The following CASK variants were observed in gnomAD, a reference collection of about 807,000 sequenced individuals.
The protein encoded by CASK is calcium/calmodulin dependent serine protein kinase.
Under a neutral mutation model 82.9 loss-of-function variants are expected in CASK, and 4 were observed. The observed-to-expected ratio is 0.05, with a 90% CI of 0.02 to 0.11. CASK has a LOEUF of 0.11. Ranked by LOEUF, CASK falls within the 10% of genes least tolerant of loss-of-function variation. The pLI is 1.00. For synonymous variants in CASK, 259 were observed against 253.5 expected, an observed-to-expected ratio of 1.02 and a Z score of -0.20; for missense variants, 358 against 720.9, an observed-to-expected ratio of 0.50 and a Z score of 5.76.
rs778788370 is a variant in CASK at position 41,719,625 on chromosome X, T to C, written c.429+19759A>G. On this transcript the variant is annotated intron_variant, in intron 5 of 26. Transcript: ENST00000378163. ...CTCGCCAGCAGTTTTGCCACAAGAG[T>C]ACACTGAACAAAGGAGACAGGGTCA... 8.1e-4 allele frequency among the ~76,000 whole-genome samples: 91 copies of C among 111,842 alleles called. 1 individual carries two copies. Among genetic ancestry groups the C allele is most frequent in the Admixed American group, 4.0e-3 (42 of 10,521 alleles).
intron 5 of CASK, among the ~76,000 whole-genome samples, chrX:41,716,603 C>T (rs777169929): frequency 5.2e-4 from 58 of 111,978 alleles, no homozygotes; most frequent in Non-Finnish European, 9.6e-4. Context: ...ATGCATTGGT[C>T]CTAGGACCAG....
chrX:41,922,150 A>C (rs192040937), intron 1 of CASK, among the ~76,000 whole-genome samples: 115 of 111,969 alleles, frequency 1.0e-3, no homozygotes, highest in African/African-American at 3.5e-3. Flanking sequence ...TTTAATTCTC[A>C]ATCAGCACTG....
intron 3 of CASK, among the ~76,000 whole-genome samples, chrX:41,758,247 CAACGTGGTGA>C (rs2068933093): frequency 9.1e-6 from 1 of 109,937 alleles, no homozygotes; most frequent in Admixed American, 9.7e-5. Flanking sequence ...CCAGCCTGGC[CAACGTGGTGA>C]AACCCCGTCT....
chrX:41,764,540 A>G (rs910627887), intron 3 of CASK, among the ~76,000 whole-genome samples: 2 of 111,761 alleles, frequency 1.8e-5, no homozygotes, highest in Admixed American at 1.9e-4. Context: ...ATCTGCTTCC[A>G]GGGTTGCCCA....
intron 5 of CASK, among the ~76,000 whole-genome samples, chrX:41,703,195 G>A (rs2067831210): frequency 1.8e-5 from 2 of 111,925 alleles, no homozygotes; most frequent in South Asian, 7.3e-4. Context: ...TACAAAAATG[G>A]AAAAACACAA....
At position 41,842,705 on chromosome X, in the gene CASK, A is replaced by G. The variant is rs186436224; in HGVS notation, c.172+10410T>C. 1.3e-4 allele frequency among the ~76,000 whole-genome samples: 15 copies of G among 111,714 alleles called. No individual in the cohort carries two copies. The East Asian group carries it at 3.9e-3, about 29-fold the overall frequency. On this transcript the variant is annotated intron_variant, in intron 2 of 26. Transcript: ENST00000378163. ...TTTAGATTAGTTTGTCAATTTTTGC[A>G]AAAAGCGCCAGTAGGGATTTTGATA...
chrX:41,647,908 T>C (rs368443771), intron 8 of CASK, among the ~76,000 whole-genome samples: 2 of 111,634 alleles, frequency 1.8e-5, no homozygotes, highest in African/African-American at 6.5e-5. Context: ...AATAATTGCA[T>C]TAACTGCACA....
chrX:41,517,770 TAGCAGCAGC>T lies in CASK; in HGVS notation c.*2641_*2649del, dbSNP rs760277976. On this transcript the variant is annotated 3_prime_UTR_variant, in exon 27 of 27. Coordinates refer to ENST00000378163, the MANE Select transcript of CASK (RefSeq NM_001367721.1). ...TTAGTGGACAATTGTAATGTAGCAG[TAGCAGCAGC>T]AGCAGCAGCAGCAGCAGCAGCAGCA... The T allele has an allele frequency of 0.052, 36,087 of 699,237 alleles. 1,263 individuals are homozygous for T. Among genetic ancestry groups the T allele is most frequent in the South Asian group, 0.07 (2,920 of 41,941 alleles). 57.6% of individuals were successfully genotyped at this position (699,237 alleles called of 1,213,427 possible).
intron 1 of CASK, 119 bp from the exon 2 acceptor site, chrX:41,853,346 T>A: frequency 2.3e-6 from 1 of 426,413 alleles, no homozygotes; most frequent in South Asian, 4.8e-5. Context: ...TACTTTAGAC[T>A]CCAAATTGAA....
At chrX:41,756,537 A>C (rs2068898971) in intron 3 of CASK, among the ~76,000 whole-genome samples, 2 of 112,571 alleles carry the variant, frequency 1.8e-5, no homozygotes, top group African/African-American at 6.4e-5. Flanking sequence ...TGAGTGAAGC[A>C]GATGTAGCCA....
chrX:41,753,160 T>C (rs1363235508), intron 3 of CASK, among the ~76,000 whole-genome samples: 6 of 112,278 alleles, frequency 5.3e-5, no homozygotes, highest in Non-Finnish European at 9.4e-5. Flanking sequence ...TATGTATAAG[T>C]AGATGCAGTG....
At chrX:41,561,134 T>C (rs1342834571) in intron 17 of CASK, among the ~76,000 whole-genome samples, 2 of 111,264 alleles carry the variant, frequency 1.8e-5, no homozygotes, top group Non-Finnish European at 3.8e-5. Context: ...TGGTCTACCG[T>C]GGCTTTCCTC....
At chrX:41,762,675 C>T (rs1434379815) in intron 3 of CASK, among the ~76,000 whole-genome samples, 2 of 111,416 alleles carry the variant, frequency 1.8e-5, no homozygotes, top group Non-Finnish European at 3.8e-5. Flanking sequence ...TCTCAACTGG[C>T]CTCTATGACT....
chrX:41,642,078 C>T (rs961174252), intron 8 of CASK, among the ~76,000 whole-genome samples: 1 of 110,726 alleles, frequency 9.0e-6, no homozygotes, highest in Non-Finnish European at 1.9e-5. Context: ...CATGAACTCA[C>T]CCTTTTTTAA....
In CASK at chrX:41,671,544, C is replaced by A. The variant is rs1391298547; in HGVS notation, c.430-14G>T. 1 of 1,088,410 alleles carries A rather than the reference C, an allele frequency of 9.2e-7. No homozygotes were observed. Among genetic ancestry groups the A allele is most frequent in the Admixed American group, 2.2e-5 (1 of 45,677 alleles). 89.7% of individuals were successfully genotyped at this position (1,088,410 alleles called of 1,213,427 possible). Reference sequence around the variant, plus strand: ...AACACAGTGGGGCTGAAAAGAAAAACAGACGAACAAACAAACAAAAAACAA... The same window carrying A: ...AACACAGTGGGGCTGAAAAGAAAAAAAGACGAACAAACAAACAAAAAACAA... On this transcript the variant is annotated splice_polypyrimidine_tract_variant and intron_variant, in intron 5 of 26. Transcript: ENST00000378163.
chrX:41,528,945 A>G (rs937647810), intron 25 of CASK, among the ~76,000 whole-genome samples: 3 of 112,337 alleles, frequency 2.7e-5, no homozygotes, highest in Non-Finnish European at 5.6e-5. Context: ...TGCAATGGTC[A>G]TTGTGAGACC....
At chrX:41,646,620 G>A (rs1228237010) in intron 8 of CASK, among the ~76,000 whole-genome samples, 2 of 111,354 alleles carry the variant, frequency 1.8e-5, no homozygotes, top group African/African-American at 3.3e-5. Flanking sequence ...AAACTATTTC[G>A]ACTGTTGTTC....
intron 22 of CASK, among the ~76,000 whole-genome samples, chrX:41,540,247 T>G (rs150044466): frequency 1.9e-3 from 208 of 112,336 alleles, no homozygotes; most frequent in African/African-American, 6.6e-3. Context: ...TTCTTCATTC[T>G]AAGTTGACAA....
intron 12 of CASK, among the ~76,000 whole-genome samples, chrX:41,596,252 T>C (rs1421268603): frequency 4.6e-5 from 5 of 107,569 alleles, no homozygotes; most frequent in African/African-American, 1.7e-4. Context: ...AGATAGGAAA[T>C]ATTTTAGGCT....
Sources: allele counts gnomAD v4.1 joint callset (sites outside exome capture counted in the v4.1 genomes callset), GRCh38; gene constraint gnomAD v4.1.1; transcripts MANE v1.5; gene names NCBI Gene and HGNC (gene_info 2026-07-23, HGNC 2026-07-21).